Variants in SLC35E3 observed in about 807,000 individuals in gnomAD.
SLC35E3 encodes bladder cancer-overexpressed gene 1 protein.
In SLC35E3, 28 loss-of-function variants were observed where a neutral mutation model predicts 30.8. The observed-to-expected ratio is 0.91, with a 90% CI of 0.67 to 1.25. The LOEUF (loss-of-function observed/expected upper bound fraction) is 1.25, where lower values mean the gene tolerates loss of function less well. Ranked by LOEUF, SLC35E3 falls within the 50% of genes most tolerant of loss-of-function variation. The pLI, the probability that SLC35E3 is intolerant of heterozygous loss-of-function variation, is 0.00. For synonymous variants in SLC35E3, 146 were observed against 149.2 expected, an observed-to-expected ratio of 0.98 and a Z score of 0.16; for missense variants, 365 against 375.4, an observed-to-expected ratio of 0.97 and a Z score of 0.23.
At position 68,779,702 on chromosome 12, in the gene SLC35E3, G is replaced by A. The variant is rs1879833889; in HGVS notation, c.*14812G>A. The A allele has an allele frequency of 6.6e-6, 1 of 152,224 alleles. No homozygotes were observed. Among genetic ancestry groups the A allele is most frequent in the Non-Finnish European group, 1.5e-5 (1 of 68,060 alleles). 9.4% of individuals were successfully genotyped at this position (152,224 alleles called of 1,614,324 possible). On this transcript the variant is annotated 3_prime_UTR_variant, in exon 5 of 5. Coordinates refer to ENST00000398004, the MANE Select transcript of SLC35E3 (RefSeq NM_018656.5). ...ATCTGTAATCCCAGTGTTTTGGGAG[G>A]CCAAGGCAGGAGGTGCACTTGAGGC...
At chr12:68,762,449 C>T (rs1301173888) in intron 4 of SLC35E3, among the ~76,000 whole-genome samples, 1 of 152,020 alleles carries the variant, frequency 6.6e-6, no homozygotes, top group Non-Finnish European at 1.5e-5. Context: ...AGGCCAAGTT[C>T]AAGGAGACTG....
At position 68,778,500 on chromosome 12, in the gene SLC35E3, G is replaced by A. The variant is rs528775502; in HGVS notation, c.*13610G>A. The A allele has an allele frequency of 5.9e-5, 9 of 152,094 alleles. No homozygotes were observed. Among genetic ancestry groups the A allele is most frequent in the Non-Finnish European group, 1.3e-4 (9 of 68,024 alleles). 9.4% of individuals were successfully genotyped at this position (152,094 alleles called of 1,614,324 possible). A position where few individuals can be genotyped will look rare whatever the true frequency, so the allele number is the denominator to read the frequency against. On this transcript the variant is annotated 3_prime_UTR_variant, in exon 5 of 5. Coordinates refer to ENST00000398004, the MANE Select transcript of SLC35E3 (RefSeq NM_018656.5). ...TTTTATTTTGTTTTTTAGAAACAGG[G>A]TCTTGCCGGCCAGGCGTGGTGACTC...
intron 3 of SLC35E3, among the ~76,000 whole-genome samples, chr12:68,753,780 C>T (rs1878895737): frequency 6.7e-6 from 1 of 148,786 alleles, no homozygotes. Flanking sequence ...CTTGTTCTTC[C>T]ATATTTTTCT....
Position 68,746,743 on chromosome 12 carries a change from C to G in SLC35E3, c.366C>G (p.Tyr122Ter). The G allele has an allele frequency of 6.3e-7, 1 of 1,599,838 alleles. No individual in the cohort carries two copies. Among genetic ancestry groups the G allele is most frequent in the Non-Finnish European group, 8.5e-7 (1 of 1,171,152 alleles). ...PVIIAIQTFC[Y>*]QKTFSTRIQL... ...TCATAGCCATCCAGACCTTCTGCTA[C>G]CAGAAAACCTTCTCCACCAGAATCC... The change falls in exon 1 of 5, where the codon TAC (tyrosine) becomes TAG (stop). Residue 122 changes from tyrosine (Y) to a stop codon, truncating the protein, a stop_gained. Transcript: ENST00000398004. LOFTEE classifies it high-confidence loss of function.
chr12:68,770,867 C>T lies in SLC35E3; in HGVS notation c.*5977C>T, dbSNP rs1320144682. 6 of 165,282 alleles carry T rather than the reference C, an allele frequency of 3.6e-5. No homozygotes were observed. In the South Asian group the frequency reaches 1.0e-3, roughly 28 times the overall value. 10.2% of individuals were successfully genotyped at this position (165,282 alleles called of 1,614,324 possible). On this transcript the variant is annotated 3_prime_UTR_variant, in exon 5 of 5. Transcript: ENST00000398004. ...CAAAAAATCACACATGTCTGATTTG[C>T]GCAGCTTGATAGAGAATGGTGCCAT...
chr12:68,764,782 T>C lies in SLC35E3; in HGVS notation c.834T>C (p.Ile278=). The C allele has an allele frequency of 6.2e-7, 1 of 1,614,184 alleles. No homozygotes were observed. The highest frequency in any genetic ancestry group is 8.5e-7 in the Non-Finnish European group (1 of 1,180,010). Residue 278 remains isoleucine, a synonymous_variant, in exon 5 of 5, where the codon ATT becomes ATC. Coordinates refer to ENST00000398004, the MANE Select transcript of SLC35E3 (RefSeq NM_018656.5). The part of the protein sequence containing the change: ...GYVLFKDPLS[I]NQALGILCTL... ...TTTTATTTAAGGATCCACTGTCCAT[T>C]AATCAGGCCCTTGGCATTTTATGTA...
rs1319632495 is a variant in SLC35E3 at position 68,772,552 on chromosome 12, A to G, written c.*7662A>G. ...CCAATTCAATGAATTATTTATGAGT[A>G]TTAGGGGAATGTTTTTGTTATGCTG... On this transcript the variant is annotated 3_prime_UTR_variant, in exon 5 of 5. Coordinates refer to ENST00000398004, the MANE Select transcript of SLC35E3 (RefSeq NM_018656.5). 6.6e-6 allele frequency: 1 copy of G among 152,214 alleles called. No homozygotes were observed. The highest frequency in any genetic ancestry group is 1.5e-5 in the Non-Finnish European group (1 of 68,034). The allele number at this position is 152,214 out of a possible 1,614,324, so 9.4% of individuals were successfully genotyped here. A position where few individuals can be genotyped will look rare whatever the true frequency, so the allele number is the denominator to read the frequency against.
chr12:68,747,823 T>G lies in SLC35E3; in HGVS notation c.403-107T>G, dbSNP rs190085311. The G allele has an allele frequency of 8.3e-6, 5 of 599,586 alleles. No homozygotes were observed. The Admixed American group carries it at 1.5e-4, about 19-fold the overall frequency. The allele number at this position is 599,586 out of a possible 1,614,324, so 37.1% of individuals were successfully genotyped here. ...AAAACATTTATACAGGTTCATTGTTTCCCAGTTATGTGTTTATCATTAGCC... is the reference window on the plus strand; with the variant it reads ...AAAACATTTATACAGGTTCATTGTTGCCCAGTTATGTGTTTATCATTAGCC... On this transcript the variant is annotated intron_variant, in intron 1 of 4. Transcript: ENST00000398004.
chr12:68,754,292 G>T (rs536157375), intron 3 of SLC35E3, among the ~76,000 whole-genome samples: 1 of 151,238 alleles, frequency 6.6e-6, no homozygotes, highest in South Asian at 2.1e-4. Context: ...GTTTTGTTTT[G>T]TTTTGTTTTG....
Position 68,766,836 on chromosome 12 carries a change from C to A in SLC35E3, c.*1946C>A. 4.5e-6 allele frequency: 2 copies of A among 442,450 alleles called. No homozygotes were observed. Among genetic ancestry groups the A allele is most frequent in the South Asian group, 3.2e-5 (2 of 61,656 alleles). The allele number at this position is 442,450 out of a possible 1,614,324, so 27.4% of individuals were successfully genotyped here. Reference sequence around the variant, plus strand: ...TTGAGCTCAAGCCATCTGTCTGCCTCAGCCTCTCGAAGTGCTGGGATTACA... The same window carrying A: ...TTGAGCTCAAGCCATCTGTCTGCCTAAGCCTCTCGAAGTGCTGGGATTACA... On this transcript the variant is annotated 3_prime_UTR_variant, in exon 5 of 5. Coordinates refer to ENST00000398004, the MANE Select transcript of SLC35E3 (RefSeq NM_018656.5).
rs531640256 is a variant in SLC35E3 at position 68,747,968 on chromosome 12, C to T, written c.441C>T (p.Tyr147=). Residue 147 remains tyrosine (Y), a synonymous_variant, in exon 2 of 5, where the codon TAC becomes TAT. Coordinates refer to ENST00000398004, the MANE Select transcript of SLC35E3 (RefSeq NM_018656.5). The part of the protein sequence containing the change: ...ITLGVILNSY[Y]DVKFNFLGMV... ...TAGGTGTAATCCTAAATTCTTATTACGATGTGAAGTTTAATTTCCTTGGAA... is the reference window on the plus strand; with the variant it reads ...TAGGTGTAATCCTAAATTCTTATTATGATGTGAAGTTTAATTTCCTTGGAA... 1,321 of 1,606,554 alleles carry T rather than the reference C, an allele frequency of 8.2e-4. 28 individuals carry two copies. In the South Asian group the frequency reaches 0.013, roughly 16 times the overall value.
intron 3 of SLC35E3, among the ~76,000 whole-genome samples, chr12:68,752,956 G>A (rs1005286883): frequency 5.9e-5 from 9 of 152,144 alleles, no homozygotes; most frequent in Admixed American, 2.0e-4. Context: ...GACCAGCCTG[G>A]CCAACATGGC....
intron 3 of SLC35E3, among the ~76,000 whole-genome samples, chr12:68,757,832 A>C (rs972677205): frequency 2.6e-5 from 4 of 152,234 alleles, no homozygotes; most frequent in Admixed American, 1.3e-4. Context: ...TCAGGCCTGT[A>C]ATCCCAGCAC....
At position 68,768,449 on chromosome 12, in the gene SLC35E3, G is replaced by GACTCA. The variant is rs1247721853; in HGVS notation, c.*3559_*3560insACTCA. ...TAAAATAAGTACTGCTAAAACTTGAGTCTGATAAACTTTTTTGCCCCGAAG... is the reference window on the plus strand; with the variant it reads ...TAAAATAAGTACTGCTAAAACTTGAGACTCATCTGATAAACTTTTTTGCCCCGAAG... On this transcript the variant is annotated 3_prime_UTR_variant, in exon 5 of 5. Transcript: ENST00000398004. 2 of 152,110 alleles carry GACTCA rather than the reference G, an allele frequency of 1.3e-5. No homozygotes were observed. The highest frequency in any genetic ancestry group is 4.8e-5 in the African/African-American group (2 of 41,424). The allele number at this position is 152,110 out of a possible 1,614,324, so 9.4% of individuals were successfully genotyped here.
At position 68,769,404 on chromosome 12, in the gene SLC35E3, C is replaced by T. The variant is rs1432595235; in HGVS notation, c.*4514C>T. 1 of 152,082 alleles carries T rather than the reference C, an allele frequency of 6.6e-6. No homozygotes were observed. Among genetic ancestry groups the T allele is most frequent in the Non-Finnish European group, 1.5e-5 (1 of 68,060 alleles). The allele number at this position is 152,082 out of a possible 1,614,324, so 9.4% of individuals were successfully genotyped here. On this transcript the variant is annotated 3_prime_UTR_variant, in exon 5 of 5. Transcript: ENST00000398004. ...GGGCACGGTGGCTCACGCCTGTAATCCCAACACTTTGGGAGGCTGAGGTGG... is the reference window on the plus strand; with the variant it reads ...GGGCACGGTGGCTCACGCCTGTAATTCCAACACTTTGGGAGGCTGAGGTGG...
Position 68,773,336 on chromosome 12 carries a change from G to C in SLC35E3, c.*8446G>C, listed in dbSNP as rs531276239. 6.6e-6 allele frequency: 1 copy of C among 152,218 alleles called. No individual in the cohort carries two copies. Among genetic ancestry groups the C allele is most frequent in the African/African-American group, 2.4e-5 (1 of 41,560 alleles). The allele number at this position is 152,218 out of a possible 1,614,324, so 9.4% of individuals were successfully genotyped here. ...TGGAATCTCCTGGAATCTCAAAAAGGATTTCCTTTAGGAATCATCAGACTC... is the reference window on the plus strand; with the variant it reads ...TGGAATCTCCTGGAATCTCAAAAAGCATTTCCTTTAGGAATCATCAGACTC... On this transcript the variant is annotated 3_prime_UTR_variant, in exon 5 of 5. Transcript: ENST00000398004.
chr12:68,761,673 C>T (rs774174717), intron 4 of SLC35E3, among the ~76,000 whole-genome samples: 1 of 152,120 alleles, frequency 6.6e-6, no homozygotes, highest in Non-Finnish European at 1.5e-5. Flanking sequence ...CTGAAAGAGG[C>T]ACAGGAAACT....
intron 2 of SLC35E3, 136 bp downstream of exon 2, chr12:68,748,176 C>T: frequency 1.7e-6 from 1 of 576,576 alleles, no homozygotes; most frequent in South Asian, 2.4e-5. Context: ...AGTTGTCTGA[C>T]TCAAGGTGAA....
rs150263459 is a variant in SLC35E3, at chr12:68,753,937, C to T, written c.672+1747C>T. Among the ~76,000 whole-genome samples, 482 of 151,892 alleles carry T rather than the reference C, an allele frequency of 3.2e-3. 1 individual carries two copies. Among genetic ancestry groups the T allele is most frequent in the African/African-American group, 0.011 (450 of 41,422 alleles). On this transcript the variant is annotated intron_variant, in intron 3 of 4. Transcript: ENST00000398004. Reference sequence around the variant, plus strand: ...GCAATTCTTGGCTCACTGCAAACTCCGCCTCCCGGGTTCAAGCGGTTCTCC... The same window carrying T: ...GCAATTCTTGGCTCACTGCAAACTCTGCCTCCCGGGTTCAAGCGGTTCTCC...
Sources: allele counts gnomAD v4.1 joint callset (sites outside exome capture counted in the v4.1 genomes callset), GRCh38; gene constraint gnomAD v4.1.1; transcripts MANE v1.5; gene names NCBI Gene and HGNC (gene_info 2026-07-23, HGNC 2026-07-21).